PTPRM: variants seen among roughly 807,000 people sequenced by gnomAD.
PTPRM encodes protein tyrosine phosphatase receptor type M, also known as receptor-type tyrosine-protein phosphatase mu.
PTPRM carries 47 observed loss-of-function variants against 186.7 expected under a neutral mutation model. That is an observed-to-expected ratio of 0.25 (90% CI 0.20 to 0.32). The LOEUF is 0.32. Among genes scored for constraint, PTPRM ranks in the 10% least tolerant of loss-of-function variants. The pLI is 1.00. For missense variants in PTPRM, 1,494 were observed against 1,865.0 expected (o/e 0.80, Z 3.66); for synonymous variants, 668 against 674.9 (o/e 0.99, Z 0.16).
intron 2 of PTPRM, among the ~76,000 whole-genome samples, chr18:7,826,946 A>T (rs950045877): frequency 6.7e-6 from 1 of 150,374 alleles, no homozygotes; most frequent in Non-Finnish European, 1.5e-5. Flanking sequence ...TTAAAAAAAT[A>T]AATAAATAAG....
At chr18:7,810,609 G>A (rs1013513239) in intron 2 of PTPRM, among the ~76,000 whole-genome samples, 3 of 152,132 alleles carry the variant, frequency 2.0e-5, no homozygotes, top group African/African-American at 4.8e-5. Context: ...GTGTGTGTTG[G>A]GGAGAGACTG....
chr18:7,792,469 A>G (rs929402830), intron 2 of PTPRM, among the ~76,000 whole-genome samples: 3 of 151,986 alleles, frequency 2.0e-5, no homozygotes, highest in Admixed American at 6.6e-5. Flanking sequence ...TCTCCTGTCT[A>G]TCATCCCTCT....
At chr18:7,796,102 G>A (rs1414541984) in intron 2 of PTPRM, among the ~76,000 whole-genome samples, 1 of 151,882 alleles carries the variant, frequency 6.6e-6, no homozygotes, top group Admixed American at 6.6e-5. Flanking sequence ...TTTGAAACAG[G>A]ATTTGTTTTT....
chr18:8,197,172 G>C (rs2093790290), intron 14 of PTPRM, among the ~76,000 whole-genome samples: 1 of 152,164 alleles, frequency 6.6e-6, no homozygotes, highest in African/African-American at 2.4e-5. Flanking sequence ...TATAGTCATG[G>C]TCTTTATGAG....
intron 20 of PTPRM, among the ~76,000 whole-genome samples, chr18:8,314,574 G>T (rs1286055477): frequency 6.6e-6 from 1 of 152,182 alleles, no homozygotes; most frequent in African/African-American, 2.4e-5. Flanking sequence ...AAGTTAATGA[G>T]ATTTACTGTA....
chr18:7,983,397 G>A (rs2082663566), intron 7 of PTPRM, among the ~76,000 whole-genome samples: 1 of 152,018 alleles, frequency 6.6e-6, no homozygotes, highest in Admixed American at 6.6e-5. Context: ...ACTGGTCCCT[G>A]GTGCCAAAAA....
chr18:7,624,563 G>A (rs1302947927), intron 1 of PTPRM, among the ~76,000 whole-genome samples: 3 of 151,868 alleles, frequency 2.0e-5, no homozygotes, highest in African/African-American at 7.3e-5. Flanking sequence ...ATGGCTTACT[G>A]CAGCCTTGAC....
chr18:8,046,860 A>C (rs1487521416), intron 7 of PTPRM, among the ~76,000 whole-genome samples: 1 of 152,038 alleles, frequency 6.6e-6, no homozygotes, highest in Non-Finnish European at 1.5e-5. Context: ...TGGACCTCCA[A>C]CTCAAAGCTA....
At chr18:8,336,824 A>G (rs1168514371) in intron 22 of PTPRM, among the ~76,000 whole-genome samples, 1 of 151,844 alleles carries the variant, frequency 6.6e-6, no homozygotes, top group Non-Finnish European at 1.5e-5. Context: ...AAATTATACA[A>G]AAATTAGCTG....
intron 20 of PTPRM, among the ~76,000 whole-genome samples, chr18:8,313,686 C>T (rs58876151): frequency 9.4e-4 from 143 of 151,980 alleles, no homozygotes; most frequent in African/African-American, 3.1e-3. Context: ...TTGGCGCACC[C>T]GTCACCCAGG....
At chr18:7,619,819 C>T (rs931120088) in intron 1 of PTPRM, among the ~76,000 whole-genome samples, 1 of 152,132 alleles carries the variant, frequency 6.6e-6, no homozygotes, top group African/African-American at 2.4e-5. Flanking sequence ...ATAGGCGTGA[C>T]CATATGACTT....
chr18:7,907,445 A>G (rs1328334789), intron 4 of PTPRM, among the ~76,000 whole-genome samples: 3 of 152,224 alleles, frequency 2.0e-5, no homozygotes, highest in African/African-American at 4.8e-5. Flanking sequence ...CAGCCACAGC[A>G]ACCACTATGG....
chr18:7,593,911 G>T (rs754837286), intron 1 of PTPRM, among the ~76,000 whole-genome samples: 16 of 152,188 alleles, frequency 1.1e-4, no homozygotes, highest in Non-Finnish European at 2.2e-4. Flanking sequence ...AACCTACATG[G>T]CTTATCTGAG....
chr18:7,915,614 GT>G (rs1402229854), intron 4 of PTPRM, among the ~76,000 whole-genome samples: 2 of 152,082 alleles, frequency 1.3e-5, no homozygotes, highest in East Asian at 3.9e-4. Context: ...TCATCAACTT[GT>G]TTATTCTTTA....
chr18:7,837,918 C>T (rs1426961807), intron 2 of PTPRM, among the ~76,000 whole-genome samples: 1 of 152,102 alleles, frequency 6.6e-6, no homozygotes, highest in African/African-American at 2.4e-5. Flanking sequence ...TCAGTCTGGG[C>T]TTGTTTGTAC....
At chr18:8,330,515 G>A (rs1039809248) in intron 22 of PTPRM, among the ~76,000 whole-genome samples, 1 of 152,178 alleles carries the variant, frequency 6.6e-6, no homozygotes, top group African/African-American at 2.4e-5. Flanking sequence ...GGAAGATAGA[G>A]ACTAATGAAA....
At chr18:8,205,498 C>T (rs1262071895) in intron 14 of PTPRM, among the ~76,000 whole-genome samples, 3 of 152,142 alleles carry the variant, frequency 2.0e-5, no homozygotes, top group Admixed American at 6.5e-5. Context: ...TAATTGATCA[C>T]GTACTTTATA....
chr18:8,385,644 T>C (rs2095767309), intron 30 of PTPRM, among the ~76,000 whole-genome samples: 2 of 152,204 alleles, frequency 1.3e-5, no homozygotes, highest in Non-Finnish European at 2.9e-5. Flanking sequence ...AGTGAGCAGT[T>C]CACCTGGAAG....
intron 1 of PTPRM, among the ~76,000 whole-genome samples, chr18:7,619,038 A>G (rs1023097716): frequency 2.6e-5 from 4 of 152,272 alleles, no homozygotes; most frequent in African/African-American, 9.6e-5. Context: ...GTTTGAATAG[A>G]GAGGTCTTTA....
Sources: allele counts gnomAD v4.1 joint callset (sites outside exome capture counted in the v4.1 genomes callset), GRCh38; gene constraint gnomAD v4.1.1; transcripts MANE v1.5; gene names NCBI Gene and HGNC (gene_info 2026-07-23, HGNC 2026-07-21).